Variants in LRRIQ1 observed in about 807,000 individuals in gnomAD.
The protein encoded by LRRIQ1 is leucine rich repeats and IQ motif containing 1, also known as leucine-rich repeat- and IQ domain-containing protein 1.
A neutral mutation model predicts 211.9 loss-of-function variants in LRRIQ1; 210 were observed. The observed-to-expected ratio is 0.99, with a 90% confidence interval of 0.89 to 1.11. LRRIQ1 has a LOEUF of 1.11. LRRIQ1 is among the 50% of genes most tolerant of loss of function. The probability of loss-of-function intolerance (pLI) is 0.00; values close to 1 mark genes in which losing one functional copy is unlikely to be tolerated. For synonymous variants in LRRIQ1, 699 were observed against 650.1 expected (o/e 1.08, Z -1.14); for missense variants, 2,136 against 1,939.5 (o/e 1.10, Z -1.90).
intron 11 of LRRIQ1, among the ~76,000 whole-genome samples, chr12:85,097,811 G>C (rs1416930852): frequency 1.3e-5 from 2 of 151,974 alleles, no homozygotes; most frequent in African/African-American, 4.8e-5. Context: ...AGTTTCGAAG[G>C]CTCATCTAAT....
intron 19 of LRRIQ1, among the ~76,000 whole-genome samples, chr12:85,142,300 A>C (rs1484722997): frequency 6.6e-6 from 1 of 151,370 alleles, no homozygotes; most frequent in African/African-American, 2.4e-5. Flanking sequence ...AGTTGGTGAG[A>C]TCATACAGCT....
intron 11 of LRRIQ1, among the ~76,000 whole-genome samples, chr12:85,089,211 G>A (rs1338842943): frequency 6.6e-6 from 1 of 152,142 alleles, no homozygotes; most frequent in African/African-American, 2.4e-5. Context: ...TGTGGTTTTT[G>A]TCTTTGGTTC....
intron 24 of LRRIQ1, among the ~76,000 whole-genome samples, chr12:85,207,220 A>G (rs1893604673): frequency 6.6e-6 from 1 of 152,040 alleles, no homozygotes; most frequent in Non-Finnish European, 1.5e-5. Flanking sequence ...CCCAGCTTCC[A>G]ACCACTTCAG....
At chr12:85,118,552 T>C in intron 15 of LRRIQ1, among the ~76,000 whole-genome samples, 1 of 151,314 alleles carries the variant, frequency 6.6e-6, no homozygotes. Context: ...CTATCTCTTG[T>C]AATTATTTTT....
intron 8 of LRRIQ1, among the ~76,000 whole-genome samples, chr12:85,060,208 G>T (rs1179741162): frequency 6.6e-6 from 1 of 151,916 alleles, no homozygotes; most frequent in African/African-American, 2.4e-5. Flanking sequence ...CAAGCAAAGA[G>T]AAGGCAAATG....
chr12:85,147,588 C>T (rs1889972700), intron 19 of LRRIQ1, among the ~76,000 whole-genome samples: 1 of 151,738 alleles, frequency 6.6e-6, no homozygotes, highest in Admixed American at 6.6e-5. Context: ...CTTAGCCAAA[C>T]CATCACTGAA....
At chr12:85,148,730 C>A (rs1890047993) in intron 19 of LRRIQ1, among the ~76,000 whole-genome samples, 1 of 151,944 alleles carries the variant, frequency 6.6e-6, no homozygotes, top group Non-Finnish European at 1.5e-5. Flanking sequence ...TCCATACTGT[C>A]TTCCAGAATG....
intron 24 of LRRIQ1, among the ~76,000 whole-genome samples, chr12:85,220,857 G>T (rs1894369146): frequency 7.1e-6 from 1 of 141,740 alleles, no homozygotes. Context: ...GCCCAGGTTG[G>T]ACGGCAGTGG....
At chr12:85,149,859 T>C (rs1890122494) in intron 19 of LRRIQ1, among the ~76,000 whole-genome samples, 1 of 151,932 alleles carries the variant, frequency 6.6e-6, no homozygotes, top group Non-Finnish European at 1.5e-5. Context: ...TATAAAAGTT[T>C]CTATAAACTT....
chr12:85,166,313 C>T (rs959216331), intron 24 of LRRIQ1, among the ~76,000 whole-genome samples: 4 of 152,118 alleles, frequency 2.6e-5, no homozygotes, highest in African/African-American at 9.7e-5. Context: ...CAATTGTACT[C>T]GATTTCAAGT....
chr12:85,124,728 C>T, intron 17 of LRRIQ1: 1 of 475,430 alleles, frequency 2.1e-6, no homozygotes, highest in East Asian at 3.9e-5. Context: ...ATTAAATTCT[C>T]ATTTAATTTC....
downstream of LRRIQ1, among the ~76,000 whole-genome samples, chr12:85,266,439 G>A (rs75630641): frequency 0.02 from 2,971 of 152,194 alleles, 97 homozygotes; most frequent in African/African-American, 0.068. Flanking sequence ...ATATGATTAT[G>A]TTTTATGTGG....
In LRRIQ1 at chr12:85,065,289, C is replaced by A; in HGVS notation, c.2419C>A (p.Pro807Thr). ...QVTTVTFQDL[P>T]GCVLSTLAEC... is the part of the protein sequence containing the mutation. ...TACAACAGTTACATTTCAAGATTTGCCAGGCTGTGTTCTCTCCACACTGGC... is the reference window on the plus strand; with the variant it reads ...TACAACAGTTACATTTCAAGATTTGACAGGCTGTGTTCTCTCCACACTGGC... Residue 807 changes from proline (P) to threonine (T), a missense_variant, in exon 9 of 27, where the codon CCA (proline) becomes ACA (threonine). Pro to Thr is a conservative substitution (Grantham distance 38, BLOSUM62 -1). Transcript: ENST00000393217. 1 of 1,609,492 alleles carries A rather than the reference C, an allele frequency of 6.2e-7. No homozygotes were observed. Among genetic ancestry groups the A allele is most frequent in the Non-Finnish European group, 8.5e-7 (1 of 1,177,354 alleles).
At chr12:85,065,140 G>C (rs931251510) in intron 8 of LRRIQ1, 122 bp from the exon 9 acceptor site, 1 of 744,292 alleles carries the variant, frequency 1.3e-6, no homozygotes, top group Non-Finnish European at 2.0e-6. Context: ...ATAAATGTAG[G>C]CTTCAACATA....
At chr12:85,197,150 A>C (rs1252539527) in intron 24 of LRRIQ1, among the ~76,000 whole-genome samples, 1 of 152,232 alleles carries the variant, frequency 6.6e-6, no homozygotes, top group Non-Finnish European at 1.5e-5. Flanking sequence ...ACCAGTTTGA[A>C]TGGCAATCAT....
At chr12:85,188,832 T>G (rs1892352446) in intron 24 of LRRIQ1, among the ~76,000 whole-genome samples, 1 of 152,136 alleles carries the variant, frequency 6.6e-6, no homozygotes, top group Non-Finnish European at 1.5e-5. Context: ...GTCATACAGC[T>G]TAAAGTTCTT....
chr12:85,124,307 G>A lies in LRRIQ1; in HGVS notation c.3795G>A (p.Glu1265=). ...AGCCAGACTCACCAGATATTCCTGA[G>A]AAATGGATGGACTCTGTCTCCAGCC... ...EGEPDSPDIP[E]KWMDSVSSHS... Residue 1265 remains glutamate (E), a synonymous_variant, in exon 17 of 27, where the codon GAG becomes GAA. Transcript: ENST00000393217. The A allele has an allele frequency of 6.2e-7, 1 of 1,614,042 alleles. No individual in the cohort carries two copies. The highest frequency in any genetic ancestry group is 8.5e-7 in the Non-Finnish European group (1 of 1,180,014).
chr12:85,095,411 TAC>T (rs774702038), intron 11 of LRRIQ1, among the ~76,000 whole-genome samples: 1 of 152,204 alleles, frequency 6.6e-6, no homozygotes. Context: ...TGTGGTGAAT[TAC>T]ATTTATTGAT....
chr12:85,270,525 C>T, the LRRIQ1 span, among the ~76,000 whole-genome samples: 1 of 152,068 alleles, frequency 6.6e-6, no homozygotes, highest in Non-Finnish European at 1.5e-5. Flanking sequence ...CATCTTCTAA[C>T]AATCATAATT....
Sources: allele counts gnomAD v4.1 joint callset (sites outside exome capture counted in the v4.1 genomes callset), GRCh38; gene constraint gnomAD v4.1.1; transcripts MANE v1.5; gene names NCBI Gene and HGNC (gene_info 2026-07-23, HGNC 2026-07-21).